Variants in SERPINB5 observed in about 807,000 individuals in gnomAD.
SERPINB5 encodes the protein serpin family B member 5.
A neutral mutation model predicts 32.2 loss-of-function variants in SERPINB5; 27 were observed. The ratio of observed to expected loss-of-function variants is 0.84; its 90% CI spans 0.62 to 1.16. SERPINB5 has a LOEUF of 1.16. Among genes scored for constraint, SERPINB5 ranks in the 50% most tolerant of loss-of-function variants. The pLI, the probability that SERPINB5 is intolerant of heterozygous loss-of-function variation, is 0.00. For missense variants in SERPINB5, 388 were observed against 436.3 expected (o/e 0.89, Z 0.99); for synonymous variants, 154 against 157.4 (o/e 0.98, Z 0.16).
rs2289518 is a variant in SERPINB5 at position 63,493,038 on chromosome 18, G to A, written c.510G>A (p.Lys170=). The change falls in exon 5 of 7, where the codon AAG becomes AAA. Residue 170 remains lysine (K), a synonymous_variant. Coordinates refer to ENST00000382771, the MANE Select transcript of SERPINB5 (RefSeq NM_002639.5). ...TTAATGCTGCCTACTTTGTTGGCAA[G>A]TGGATGAAGAAATTTTCTGAATCAG... ...LVVNAAYFVG[K]WMKKFSESET... 4.7e-4 allele frequency: 761 copies of A among 1,614,230 alleles called. 10 individuals are homozygous for A. The East Asian group carries it at 0.017, about 36-fold the overall frequency.
intron 1 of SERPINB5, among the ~76,000 whole-genome samples, chr18:63,478,742 AC>A (rs1917075887): frequency 6.7e-6 from 1 of 149,044 alleles, no homozygotes; most frequent in Non-Finnish European, 1.5e-5. Flanking sequence ...CGATACTCTG[AC>A]ACAGTAAAAA....
intron 2 of SERPINB5, 128 bp from the exon 3 acceptor site, chr18:63,486,818 C>T: frequency 2.2e-6 from 2 of 924,520 alleles, no homozygotes; most frequent in Non-Finnish European, 3.3e-6. Flanking sequence ...GTTGAGGAGC[C>T]TTACTTTACG....
Position 63,484,547 on chromosome 18 carries a change from C to T in SERPINB5, c.119C>T (p.Ser40Leu), listed in dbSNP as rs201251421. 2 of 1,614,154 alleles carry T rather than the reference C, an allele frequency of 1.2e-6. No individual in the cohort carries two copies. Among genetic ancestry groups the T allele is most frequent in the Non-Finnish European group, 1.7e-6 (2 of 1,180,026 alleles). Reference protein sequence around the residue: ...FSPICLSTSLSLAQVGAKGDT... With the variant: ...FSPICLSTSLLLAQVGAKGDT... The stretch of plus-strand genomic sequence containing the variant: ...CCAATCTGTCTCTCCACCTCTCTGT[C>T]ACTTGCTCAAGTGGGTGCTAAAGGT... The change falls in exon 2 of 7, where the codon TCA becomes TTA. Residue 40 changes from serine to leucine, a missense_variant. Coordinates refer to ENST00000382771, the MANE Select transcript of SERPINB5 (RefSeq NM_002639.5).
intron 1 of SERPINB5, among the ~76,000 whole-genome samples, chr18:63,479,019 C>G (rs996139814): frequency 6.6e-6 from 1 of 152,098 alleles, no homozygotes; most frequent in Non-Finnish European, 1.5e-5. Context: ...CTTGGCCTCC[C>G]AAAGTGCTGG....
chr18:63,503,061 C>T (rs1335810067), intron 6 of SERPINB5, among the ~76,000 whole-genome samples: 4 of 151,996 alleles, frequency 2.6e-5, no homozygotes, highest in Admixed American at 1.3e-4. Context: ...CAAAAAACTA[C>T]TCTCTAACTT....
At chr18:63,483,037 A>T (rs1275962125) in intron 1 of SERPINB5, among the ~76,000 whole-genome samples, 8 of 152,142 alleles carry the variant, frequency 5.3e-5, no homozygotes, top group African/African-American at 1.7e-4. Context: ...TTATCATGAG[A>T]ATAGTTTTAA....
chr18:63,479,350 T>C (rs1917088387), intron 1 of SERPINB5, among the ~76,000 whole-genome samples: 1 of 152,170 alleles, frequency 6.6e-6, no homozygotes, highest in Admixed American at 6.5e-5. Context: ...TTGGCTCAGA[T>C]GCATAAAAAA....
chr18:63,478,464 T>C (rs1055180412), intron 1 of SERPINB5, among the ~76,000 whole-genome samples: 5 of 152,238 alleles, frequency 3.3e-5, no homozygotes. Flanking sequence ...ATTGATTCAC[T>C]TAATCACTTC....
intron 6 of SERPINB5, among the ~76,000 whole-genome samples, chr18:63,500,354 C>A (rs1396954761): frequency 6.6e-6 from 1 of 152,006 alleles, no homozygotes; most frequent in African/African-American, 2.4e-5. Context: ...TGAGCCACCA[C>A]ACCTGGCCTT....
At chr18:63,488,133 T>A (rs1405737581) in intron 3 of SERPINB5, among the ~76,000 whole-genome samples, 1 of 152,146 alleles carries the variant, frequency 6.6e-6, no homozygotes, top group African/African-American at 2.4e-5. Flanking sequence ...GTGAGGACAA[T>A]GGAGGCCCTC....
intron 5 of SERPINB5, chr18:63,497,451 T>C (rs1883192665): frequency 1.3e-6 from 1 of 753,818 alleles, no homozygotes; most frequent in Admixed American, 1.8e-5. Context: ...TGCACACCAT[T>C]CTTGGTGCTG....
intron 5 of SERPINB5, among the ~76,000 whole-genome samples, chr18:63,495,527 C>T (rs1452624235): frequency 6.6e-6 from 1 of 152,200 alleles, no homozygotes; most frequent in African/African-American, 2.4e-5. Flanking sequence ...GCCAATGGTG[C>T]CTCTCTTCAA....
Position 63,488,528 on chromosome 18 carries a change from C to T in SERPINB5, c.307-819C>T, listed in dbSNP as rs1319515524. Among the ~76,000 whole-genome samples, 4 of 152,274 alleles carry T rather than the reference C, an allele frequency of 2.6e-5. No homozygotes were observed. The East Asian group carries it at 7.7e-4, about 29-fold the overall frequency. ...CTTTCCATTGCTCCTGCTAGGTGCACAGCATCTGCAAATTTACTAGTTAAA... is the reference window on the plus strand; with the variant it reads ...CTTTCCATTGCTCCTGCTAGGTGCATAGCATCTGCAAATTTACTAGTTAAA... On this transcript the variant is annotated intron_variant, in intron 3 of 6. Transcript: ENST00000382771.
At chr18:63,489,543 TA>T (rs1414237147) in intron 4 of SERPINB5, 79 bp downstream of exon 4, 54 of 768,156 alleles carry the variant, frequency 7.0e-5, no homozygotes, top group East Asian at 1.3e-4. Context: ...GCTCCAAGGA[TA>T]AAAAAAACAT....
chr18:63,489,504 A>C (rs757841296), intron 4 of SERPINB5, 40 bp downstream of exon 4: 1 of 1,105,500 alleles, frequency 9.0e-7, no homozygotes, highest in Non-Finnish European at 1.4e-6. Flanking sequence ...ATCACCAAGT[A>C]AACAGGGCCT....
chr18:63,489,472 C>T lies in SERPINB5; in HGVS notation c.424+8C>T, dbSNP rs1917266903. On this transcript the variant is annotated splice_region_variant and intron_variant, in intron 4 of 6. Coordinates refer to ENST00000382771, the MANE Select transcript of SERPINB5 (RefSeq NM_002639.5). ...TTAAGGATCTCACAGATGGCAAGTA[C>T]CCTTTAATTGTTCTGCTATCAATCA... 1 of 1,494,472 alleles carries T rather than the reference C, an allele frequency of 6.7e-7. No homozygotes were observed. The highest frequency in any genetic ancestry group is 1.7e-5 in the Admixed American group (1 of 58,398). 92.6% of individuals were successfully genotyped at this position (1,494,472 alleles called of 1,614,324 possible). A position where few individuals can be genotyped will look rare whatever the true frequency, so the allele number is the denominator to read the frequency against.
At chr18:63,497,323 A>G (rs1194373240) in intron 5 of SERPINB5, 7 of 1,280,502 alleles carry the variant, frequency 5.5e-6, no homozygotes, top group Non-Finnish European at 1.1e-6. Context: ...CTCCTATGCG[A>G]TTCTGGGCTT....
chr18:63,500,362 C>T (rs77643996), intron 6 of SERPINB5, among the ~76,000 whole-genome samples: 7,205 of 152,122 alleles, frequency 0.047, 255 homozygotes, highest in Middle Eastern at 0.092. Context: ...CACACCTGGC[C>T]TTCACAATTT....
intron 3 of SERPINB5, 106 bp downstream of exon 3, chr18:63,487,189 T>A (rs376181608): frequency 1.8e-6 from 2 of 1,113,676 alleles, no homozygotes; most frequent in Non-Finnish European, 2.6e-6. Context: ...TTCTAGGATG[T>A]TCACTTGTGA....
Sources: allele counts gnomAD v4.1 joint callset (sites outside exome capture counted in the v4.1 genomes callset), GRCh38; gene constraint gnomAD v4.1.1; transcripts MANE v1.5; gene names NCBI Gene and HGNC (gene_info 2026-07-23, HGNC 2026-07-21).